Variants in ZNF706 observed in about 807,000 individuals in gnomAD.
ZNF706 encodes the protein zinc finger protein 706.
A neutral mutation model predicts 9.2 loss-of-function variants in ZNF706; 4 were observed. The observed-to-expected ratio is 0.43, with a 90% CI of 0.21 to 0.99. The LOEUF (loss-of-function observed/expected upper bound fraction) is 0.99, where lower values mean the gene tolerates loss of function less well. Ranked by LOEUF, ZNF706 falls within the 50% of genes least tolerant of loss-of-function variation. The pLI is 0.26. For synonymous variants in ZNF706, 28 were observed against 27.3 expected, an observed-to-expected ratio of 1.03 and a Z score of -0.08; for missense variants, 27 against 87.8, an observed-to-expected ratio of 0.31 and a Z score of 2.77.
chr8:101,202,351 G>C (rs1438695403), intron 1 of ZNF706: 1 of 151,296 alleles, frequency 6.6e-6, no homozygotes, highest in African/African-American at 2.4e-5. Context: ...CCAGCTACTT[G>C]GGAGGCTGAG....
chr8:101,201,799 C>T lies in ZNF706; in HGVS notation c.-2-56G>A, dbSNP rs1810567857. On this transcript the variant is annotated intron_variant, in intron 1 of 3. Transcript: ENST00000311212. This position sits in a 1 kb window ranked among gnomAD's most constrained non-coding sequence, Gnocchi z 4.5. ...CTTATTTACTCTAATACAGAGTAAT[C>T]AAAGCATAAGAACGTTCTTAGAATT... The T allele has an allele frequency of 6.5e-7, 1 of 1,547,318 alleles. No homozygotes were observed. Among genetic ancestry groups the T allele is most frequent in the Admixed American group, 1.8e-5 (1 of 55,074 alleles).
intron 1 of ZNF706, chr8:101,204,620 G>A (rs1810684099): frequency 1.0e-6 from 1 of 985,328 alleles, no homozygotes; most frequent in Non-Finnish European, 1.2e-6. Context: ...GCGACAAACT[G>A]GAGGGAAAAA....
rs1810727593 is a variant in ZNF706 at position 101,205,464 on chromosome 8, A to T, written c.-32T>A. 5 of 152,624 alleles carry T rather than the reference A, an allele frequency of 3.3e-5. No homozygotes were observed. In the Admixed American group the frequency reaches 3.3e-4, roughly 10 times the overall value. The allele number at this position is 152,624 out of a possible 1,614,324, so 9.5% of individuals were successfully genotyped here. A position where few individuals can be genotyped will look rare whatever the true frequency, so the allele number is the denominator to read the frequency against. Reference sequence around the variant, plus strand: ...GCCGGGACAGTCTTGCGTCGGAGAGACAGTGCAGCGCGAGAGGGCCGGGAG... The same window carrying T: ...GCCGGGACAGTCTTGCGTCGGAGAGTCAGTGCAGCGCGAGAGGGCCGGGAG... On this transcript the variant is annotated 5_prime_UTR_variant, in exon 1 of 4. Coordinates refer to ENST00000311212, the MANE Select transcript of ZNF706 (RefSeq NM_016096.5). This position sits in a 1 kb window ranked among gnomAD's most constrained non-coding sequence, Gnocchi z 6.6.
Position 101,201,518 on chromosome 8 carries a change from A to G in ZNF706, c.135+89T>C, listed in dbSNP as rs1348756207. 8.7e-7 allele frequency: 1 copy of G among 1,150,348 alleles called. No homozygotes were observed. Among genetic ancestry groups the G allele is most frequent in the Non-Finnish European group, 1.2e-6 (1 of 807,976 alleles). The allele number at this position is 1,150,348 out of a possible 1,614,324, so 71.3% of individuals were successfully genotyped here. A position where few individuals can be genotyped will look rare whatever the true frequency, so the allele number is the denominator to read the frequency against. Reference sequence around the variant, plus strand: ...TCAAACCTACTATTTCATGTAAAGCATCTATTTTGCCATGGTTTCAAAATT... The same window carrying G: ...TCAAACCTACTATTTCATGTAAAGCGTCTATTTTGCCATGGTTTCAAAATT... On this transcript the variant is annotated intron_variant, in intron 2 of 3. Coordinates refer to ENST00000311212, the MANE Select transcript of ZNF706 (RefSeq NM_016096.5). This position sits in a 1 kb window ranked among gnomAD's most constrained non-coding sequence, Gnocchi z 4.5.
Position 101,199,995 on chromosome 8 carries a change from A to G in ZNF706, c.*7T>C, listed in dbSNP as rs1810501137. 1 of 1,609,994 alleles carries G rather than the reference A, an allele frequency of 6.2e-7. No individual in the cohort carries two copies. Among genetic ancestry groups the G allele is most frequent in the African/African-American group, 1.3e-5 (1 of 74,818 alleles). Reference sequence around the variant, plus strand: ...TAGAAAAAGAGGTGAGTTACCTGTAAACAACCTTATGCCTGAACATCAGCT... The same window carrying G: ...TAGAAAAAGAGGTGAGTTACCTGTAGACAACCTTATGCCTGAACATCAGCT... On this transcript the variant is annotated 3_prime_UTR_variant, in exon 3 of 4. Coordinates refer to ENST00000311212, the MANE Select transcript of ZNF706 (RefSeq NM_016096.5).
Position 101,201,527 on chromosome 8 carries a change from G to T in ZNF706, c.135+80C>A. 1.6e-6 allele frequency: 2 copies of T among 1,274,934 alleles called. No individual in the cohort carries two copies. The highest frequency in any genetic ancestry group is 2.2e-6 in the Non-Finnish European group (2 of 916,816). 79.0% of individuals were successfully genotyped at this position (1,274,934 alleles called of 1,614,324 possible). A position where few individuals can be genotyped will look rare whatever the true frequency, so the allele number is the denominator to read the frequency against. On this transcript the variant is annotated intron_variant, in intron 2 of 3. Coordinates refer to ENST00000311212, the MANE Select transcript of ZNF706 (RefSeq NM_016096.5). The surrounding 1 kb of genome is among the most constrained non-coding windows in gnomAD (Gnocchi z 4.5). ...CTATTTCATGTAAAGCATCTATTTT[G>T]CCATGGTTTCAAAATTTTAATCTAT...
In ZNF706 at chr8:101,201,778, T is replaced by C; in HGVS notation, c.-2-35A>G. The C allele has an allele frequency of 6.2e-7, 1 of 1,609,756 alleles. No homozygotes were observed. The highest frequency in any genetic ancestry group is 1.7e-5 in the Admixed American group (1 of 59,884). ...GAAGGTGAAGCATTAGAGTGGCTTA[T>C]TTACTCTAATACAGAGTAATCAAAG... is the stretch of plus-strand genomic sequence containing the variant. On this transcript the variant is annotated intron_variant, in intron 1 of 3. Coordinates refer to ENST00000311212, the MANE Select transcript of ZNF706 (RefSeq NM_016096.5). The surrounding 1 kb of genome is among the most constrained non-coding windows in gnomAD (Gnocchi z 4.5).
At chr8:101,204,828 C>A (rs1273147424) in intron 1 of ZNF706, 15 of 985,344 alleles carry the variant, frequency 1.5e-5, no homozygotes, top group African/African-American at 3.5e-5. Flanking sequence ...ATTTTGGGTC[C>A]AGGAAGTAGG....
rs1405972531 is a variant in ZNF706 at position 101,205,627 on chromosome 8, C to G, written c.-195G>C. Reference sequence around the variant, plus strand: ...CGCCGCCGCGCGCCCGCCGCCGCCTCAGCCTTAGGGGAGACCACTACGCCT... The same window carrying G: ...CGCCGCCGCGCGCCCGCCGCCGCCTGAGCCTTAGGGGAGACCACTACGCCT... On this transcript the variant is annotated 5_prime_UTR_variant, in exon 1 of 4. Coordinates refer to ENST00000311212, the MANE Select transcript of ZNF706 (RefSeq NM_016096.5). This position sits in a 1 kb window ranked among gnomAD's most constrained non-coding sequence, Gnocchi z 6.6. 2 of 164,344 alleles carry G rather than the reference C, an allele frequency of 1.2e-5. No homozygotes were observed. Among genetic ancestry groups the G allele is most frequent in the African/African-American group, 4.8e-5 (2 of 41,478 alleles). 10.2% of individuals were successfully genotyped at this position (164,344 alleles called of 1,614,324 possible). A position where few individuals can be genotyped will look rare whatever the true frequency, so the allele number is the denominator to read the frequency against.
upstream of ZNF706, chr8:101,205,862 A>G (rs927377598): frequency 6.6e-6 from 1 of 152,162 alleles, no homozygotes; most frequent in Non-Finnish European, 1.5e-5. The surrounding 1 kb of genome is among the most constrained non-coding windows in gnomAD (Gnocchi z 6.6). Context: ...ACTTCAGGGG[A>G]CGTCGCCTTC....
Position 101,197,757 on chromosome 8 carries a change from G to A in ZNF706, c.*1495C>T, listed in dbSNP as rs150178432. The A allele has an allele frequency of 2.6e-5, 4 of 152,194 alleles. No homozygotes were observed. The East Asian group carries it at 7.7e-4, about 29-fold the overall frequency. 9.4% of individuals were successfully genotyped at this position (152,194 alleles called of 1,614,324 possible). A position where few individuals can be genotyped will look rare whatever the true frequency, so the allele number is the denominator to read the frequency against. ...GGAAATAAAATACACAAAATAAAAGGACTATTTTAAAGTAAGGGCATAAGA... is the reference window on the plus strand; with the variant it reads ...GGAAATAAAATACACAAAATAAAAGAACTATTTTAAAGTAAGGGCATAAGA... On this transcript the variant is annotated 3_prime_UTR_variant, in exon 4 of 4. Transcript: ENST00000311212.
Position 101,201,641 on chromosome 8 carries a change from T to C in ZNF706, c.101A>G (p.Lys34Arg). 2.5e-6 allele frequency: 4 copies of C among 1,612,670 alleles called. No individual in the cohort carries two copies. Among genetic ancestry groups the C allele is most frequent in the Non-Finnish European group, 3.4e-6 (4 of 1,179,962 alleles). ...AGTGCAGGTATATATTAAGGCAGCT[T>C]TGGCAGCAGCCTTTTGGTCATGTCC... ...KQGHDQKAAA[K>R]AALIYTCTVC... The change falls in exon 2 of 4, where the codon AAA becomes AGA. Residue 34 changes from lysine to arginine, a missense_variant. Lys to Arg is a conservative substitution (Grantham distance 26, BLOSUM62 2). Coordinates refer to ENST00000311212, the MANE Select transcript of ZNF706 (RefSeq NM_016096.5). This position sits in a 1 kb window ranked among gnomAD's most constrained non-coding sequence, Gnocchi z 4.5.
rs187847159 is a variant in ZNF706, at chr8:101,199,085, T to C, written c.*167A>G. 2,906 of 523,752 alleles carry C rather than the reference T, an allele frequency of 5.5e-3. 14 individuals carry two copies. The highest frequency in any genetic ancestry group is 0.018 in the Middle Eastern group (38 of 2,074). 32.4% of individuals were successfully genotyped at this position (523,752 alleles called of 1,614,324 possible). On this transcript the variant is annotated 3_prime_UTR_variant, in exon 4 of 4. Transcript: ENST00000311212. ...GAGTCAACTGTACATTTACACAGAA[T>C]TGTCTTTGCATGAAGCCCAAGAGGG... is the stretch of plus-strand genomic sequence containing the variant.
chr8:101,199,804 G>C (rs1348300027), intron 3 of ZNF706, among the ~76,000 whole-genome samples, 186 bp downstream of exon 3: 2 of 152,154 alleles, frequency 1.3e-5, no homozygotes, highest in Non-Finnish European at 2.9e-5. Context: ...GTAAAAATTT[G>C]GATGTTTCAA....
rs1416543138 is a variant in ZNF706, at chr8:101,198,398, A to G, written c.*854T>C. 6.6e-6 allele frequency: 1 copy of G among 152,224 alleles called. No homozygotes were observed. Among genetic ancestry groups the G allele is most frequent in the Admixed American group, 6.5e-5 (1 of 15,284 alleles). The allele number at this position is 152,224 out of a possible 1,614,324, so 9.4% of individuals were successfully genotyped here. The stretch of plus-strand genomic sequence containing the variant: ...CAAAAACCTCAAAAATTAATGTTTC[A>G]ATTTCAAATTAAAGAACTTCAAGAA... On this transcript the variant is annotated 3_prime_UTR_variant, in exon 4 of 4. Coordinates refer to ENST00000311212, the MANE Select transcript of ZNF706 (RefSeq NM_016096.5).
chr8:101,200,397 C>T (rs1810515086), intron 2 of ZNF706: 1 of 236,268 alleles, frequency 4.2e-6, no homozygotes, highest in African/African-American at 2.3e-5. Context: ...CCTTAATTCC[C>T]ACAGAACCTT....
rs960102353 is a variant in ZNF706, at chr8:101,198,476, A to G, written c.*776T>C. On this transcript the variant is annotated 3_prime_UTR_variant, in exon 4 of 4. Coordinates refer to ENST00000311212, the MANE Select transcript of ZNF706 (RefSeq NM_016096.5). ...ACCTTTACCAGTTCACATTTGTTCC[A>G]TATTTTGCATTAAACAATAGGCTTA... 2.0e-5 allele frequency: 3 copies of G among 152,174 alleles called. No homozygotes were observed. The highest frequency in any genetic ancestry group is 7.2e-5 in the African/African-American group (3 of 41,458). 9.4% of individuals were successfully genotyped at this position (152,174 alleles called of 1,614,324 possible).
Position 101,199,231 on chromosome 8 carries a change from T to A in ZNF706, c.*21A>T. On this transcript the variant is annotated 3_prime_UTR_variant, in exon 4 of 4. Coordinates refer to ENST00000311212, the MANE Select transcript of ZNF706 (RefSeq NM_016096.5). ...GACAGTAGAAGAGTCAAAGGTGTCA[T>A]GAATTCACCTATAAAACATAAGCAA... 1.4e-6 allele frequency: 1 copy of A among 702,152 alleles called. No individual in the cohort carries two copies. The allele number at this position is 702,152 out of a possible 1,614,324, so 43.5% of individuals were successfully genotyped here. A position where few individuals can be genotyped will look rare whatever the true frequency, so the allele number is the denominator to read the frequency against.
rs770220100 is a variant in ZNF706 at position 101,201,784 on chromosome 8, C to A, written c.-2-41G>T. The A allele has an allele frequency of 1.2e-6, 2 of 1,605,028 alleles. No homozygotes were observed. The highest frequency in any genetic ancestry group is 3.4e-5 in the Admixed American group (2 of 59,266). ...GAAGCATTAGAGTGGCTTATTTACT[C>A]TAATACAGAGTAATCAAAGCATAAG... On this transcript the variant is annotated intron_variant, in intron 1 of 3. Transcript: ENST00000311212. The surrounding 1 kb of genome is among the most constrained non-coding windows in gnomAD (Gnocchi z 4.5).
Sources: gnomAD v4.1 joint callset for allele counts (sites outside exome capture counted in the v4.1 genomes callset) on GRCh38, gnomAD v4.1.1 for gene constraint, Gnocchi (gnomAD v3.1) non-coding constraint, MANE v1.5 for transcripts, NCBI Gene and HGNC (gene_info 2026-07-23, HGNC 2026-07-21) for gene names.